Variants in ARAP2 observed in about 807,000 individuals in gnomAD.
ARAP2 encodes the protein arf-GAP with Rho-GAP domain, ANK repeat and PH domain-containing protein 2.
In ARAP2, 148 loss-of-function variants were observed where a neutral mutation model predicts 194.5. The ratio of observed to expected loss-of-function variants is 0.76; its 90% CI spans 0.67 to 0.87. The LOEUF (loss-of-function observed/expected upper bound fraction) is 0.87, where lower values mean the gene tolerates loss of function less well. Ranked by LOEUF, ARAP2 falls within the 40% of genes least tolerant of loss-of-function variation. The probability of loss-of-function intolerance (pLI) is 0.00; values close to 1 mark genes in which losing one functional copy is unlikely to be tolerated. For synonymous variants in ARAP2, 695 were observed against 683.5 expected (o/e 1.02, Z -0.26); for missense variants, 2,128 against 1,989.7 (o/e 1.07, Z -1.32).
At chr4:36,242,552 C>A (rs1426428516) in intron 1 of ARAP2, among the ~76,000 whole-genome samples, 4 of 152,090 alleles carry the variant, frequency 2.6e-5, no homozygotes, top group Non-Finnish European at 4.4e-5. Flanking sequence ...AGTTTCAATG[C>A]GTTAAAGTTC....
intron 32 of ARAP2, among the ~76,000 whole-genome samples, chr4:36,071,834 A>G (rs1040100509): frequency 9.2e-5 from 14 of 151,600 alleles, no homozygotes; most frequent in African/African-American, 3.1e-4. Flanking sequence ...ATATCTCCCA[A>G]TGCTATCCCT....
At chr4:36,230,665 A>G (rs571148993) in intron 1 of ARAP2, among the ~76,000 whole-genome samples, 2 of 152,328 alleles carry the variant, frequency 1.3e-5, no homozygotes, top group South Asian at 4.1e-4. Context: ...CTTTCTGTAC[A>G]TTGTGCGTCA....
intron 5 of ARAP2, among the ~76,000 whole-genome samples, chr4:36,022,712 GAGTTTA>G (rs1219559993): frequency 1.3e-5 from 2 of 152,110 alleles, no homozygotes; most frequent in African/African-American, 2.4e-5. Flanking sequence ...GGAAAAGTAA[GAGTTTA>G]AGTTTAAGAA....
intron 27 of ARAP2, among the ~76,000 whole-genome samples, chr4:36,097,646 A>G (rs1715663198): frequency 1.3e-5 from 2 of 152,092 alleles, no homozygotes; most frequent in South Asian, 2.1e-4. Context: ...TCGTGTGAGT[A>G]TAACAGGTTT....
chr4:36,191,457 A>C (rs1330699870), intron 7 of ARAP2, among the ~76,000 whole-genome samples: 5 of 151,782 alleles, frequency 3.3e-5, no homozygotes, highest in Non-Finnish European at 7.4e-5. Context: ...AATATACTTA[A>C]CAAGCAAAAT....
chr4:36,152,363 A>C (rs903345278), intron 15 of ARAP2, among the ~76,000 whole-genome samples: 11 of 152,228 alleles, frequency 7.2e-5, no homozygotes, highest in Non-Finnish European at 1.5e-4. Flanking sequence ...TTTTTAAATG[A>C]ACACTCATTG....
intron 22 of ARAP2, among the ~76,000 whole-genome samples, chr4:36,124,395 T>A (rs1723379109): frequency 6.6e-6 from 1 of 151,874 alleles, no homozygotes. Context: ...CACCATTACA[T>A]TCCTCATATC....
At chr4:36,149,952 TATCA>T (rs1191170668) in intron 16 of ARAP2, among the ~76,000 whole-genome samples, 1 of 152,208 alleles carries the variant, frequency 6.6e-6, no homozygotes, top group Non-Finnish European at 1.5e-5. Flanking sequence ...CAGATTTTAA[TATCA>T]ATGTTTTTCA....
intron 6 of ARAP2, among the ~76,000 whole-genome samples, chr4:36,199,190 G>A (rs1282591598): frequency 6.6e-6 from 1 of 152,206 alleles, no homozygotes; most frequent in Non-Finnish European, 1.5e-5. Context: ...GGTCACCACT[G>A]CCATCACTAC....
intron 3 of ARAP2, among the ~76,000 whole-genome samples, chr4:36,047,440 G>A (rs1414203344): frequency 6.6e-6 from 1 of 152,144 alleles, no homozygotes; most frequent in Non-Finnish European, 1.5e-5. Context: ...CTAAATTATA[G>A]GCCAATCTAA....
At chr4:36,070,438 C>A (rs1435599185) in intron 32 of ARAP2, among the ~76,000 whole-genome samples, 2 of 152,194 alleles carry the variant, frequency 1.3e-5, no homozygotes, top group Admixed American at 1.3e-4. Context: ...TTGCTATAGG[C>A]AATGCCAGTT....
intron 29 of ARAP2, among the ~76,000 whole-genome samples, chr4:36,083,036 G>A (rs16991904): frequency 0.32 from 48,978 of 151,916 alleles, 9,381 homozygotes; most frequent in East Asian, 0.47. Context: ...ATGCCCTCAG[G>A]TTGTGATGTG....
chr4:36,150,918 T>C lies in ARAP2; in HGVS notation c.2879A>G (p.Asp960Gly). 1 of 1,612,532 alleles carries C rather than the reference T, an allele frequency of 6.2e-7. No individual in the cohort carries two copies. The highest frequency in any genetic ancestry group is 8.5e-7 in the Non-Finnish European group (1 of 1,179,414). The change falls in exon 16 of 33, where the codon GAC becomes GGC. Residue 960 changes from aspartate (D) to glycine (G), a missense_variant. Asp to Gly is a moderately conservative substitution (Grantham distance 94). Transcript: ENST00000303965. Reference sequence around the variant, plus strand: ...GACCTACCCAGTATTTAAATAGAAGTCCTCTTTGTGTATAGCCAGGCAGAT... The same window carrying C: ...GACCTACCCAGTATTTAAATAGAAGCCCTCTTTGTGTATAGCCAGGCAGAT... ...EVICLAIHKE[D>G]FYLNTGPIFI... is the part of the protein sequence containing the mutation.
chr4:36,182,018 G>A (rs1490400079), intron 8 of ARAP2, among the ~76,000 whole-genome samples: 3 of 152,148 alleles, frequency 2.0e-5, no homozygotes, highest in South Asian at 4.1e-4. Flanking sequence ...CTAGGATAAG[G>A]TGAACATGTA....
At chr4:36,113,150 T>C (rs1330107141) in intron 26 of ARAP2, among the ~76,000 whole-genome samples, 1 of 151,926 alleles carries the variant, frequency 6.6e-6, no homozygotes, top group African/African-American at 2.4e-5. Context: ...TTAGGTAAAG[T>C]GAACCCAGAT....
chr4:36,184,580 A>C (rs1379811605), intron 8 of ARAP2, among the ~76,000 whole-genome samples: 1 of 152,244 alleles, frequency 6.6e-6, no homozygotes, highest in African/African-American at 2.4e-5. Context: ...TGCACTTTTT[A>C]AACATGTGTG....
rs761806241 is a variant in ARAP2 at position 36,212,493 on chromosome 4, A to T, written c.1042-6T>A. ...TCATTCTTTATAGATCGCTTCTATT[A>T]AAAAAGCAAACAAACAAAAAACACA... On this transcript the variant is annotated splice_region_variant and splice_polypyrimidine_tract_variant and intron_variant, in intron 4 of 32. Transcript: ENST00000303965. The T allele has an allele frequency of 2.8e-5, 45 of 1,605,640 alleles. No homozygotes were observed. Among genetic ancestry groups the T allele is most frequent in the Middle Eastern group, 1.7e-4 (1 of 6,014 alleles).
chr4:36,112,160 C>T (rs1246514023), intron 26 of ARAP2, among the ~76,000 whole-genome samples: 1 of 151,858 alleles, frequency 6.6e-6, no homozygotes, highest in Non-Finnish European at 1.5e-5. Context: ...TACTTTTTTG[C>T]CCCACTTCAG....
At chr4:36,115,700 C>T (rs1577941599) in intron 25 of ARAP2, among the ~76,000 whole-genome samples, 2 of 151,970 alleles carry the variant, frequency 1.3e-5, no homozygotes, top group Admixed American at 6.6e-5. Flanking sequence ...CTTATAAACT[C>T]GGAACATCAC....
Sources: gnomAD v4.1 joint callset for allele counts (sites outside exome capture counted in the v4.1 genomes callset) on GRCh38, gnomAD v4.1.1 for gene constraint, MANE v1.5 for transcripts, NCBI Gene and HGNC (gene_info 2026-07-23, HGNC 2026-07-21) for gene names.